ANKRD28: variants seen among roughly 807,000 people sequenced by gnomAD.
ANKRD28 encodes serine/threonine-protein phosphatase 6 regulatory ankyrin repeat subunit A.
A neutral mutation model predicts 126.5 loss-of-function variants in ANKRD28; 44 were observed. That is an observed-to-expected ratio of 0.35 (90% CI 0.27 to 0.45). The LOEUF (loss-of-function observed/expected upper bound fraction) is 0.45, where lower values mean the gene tolerates loss of function less well. Ranked by LOEUF, ANKRD28 falls within the 20% of genes least tolerant of loss-of-function variation. ANKRD28 has a pLI of 1.00. For synonymous variants in ANKRD28, 442 were observed against 468.5 expected (o/e 0.94, Z 0.73); for missense variants, 1,110 against 1,316.6 (o/e 0.84, Z 2.43).
intron 4 of ANKRD28, among the ~76,000 whole-genome samples, chr3:15,742,412 G>A (rs1332676445): frequency 1.3e-5 from 2 of 148,758 alleles, no homozygotes; most frequent in Non-Finnish European, 3.0e-5. Context: ...TGTGAGAAGC[G>A]CCTCTACCTG....
intron 12 of ANKRD28, among the ~76,000 whole-genome samples, chr3:15,710,025 C>A (rs772108949): frequency 3.9e-5 from 5 of 128,836 alleles, no homozygotes; most frequent in South Asian, 5.3e-4. Flanking sequence ...TAGGAAACAA[C>A]TTGCTTATAG....
intron 1 of ANKRD28, among the ~76,000 whole-genome samples, chr3:15,803,676 T>G (rs1297824497): frequency 2.6e-5 from 3 of 115,456 alleles, no homozygotes; most frequent in Non-Finnish European, 5.2e-5. Flanking sequence ...GTTAATAGAC[T>G]GGCTACAAGA....
intron 1 of ANKRD28, among the ~76,000 whole-genome samples, chr3:15,850,414 A>G (rs1189136989): frequency 6.6e-6 from 1 of 152,080 alleles, no homozygotes; most frequent in East Asian, 1.9e-4. Flanking sequence ...CTTAAAAAAC[A>G]GAAATGTATT....
intron 14 of ANKRD28, among the ~76,000 whole-genome samples, chr3:15,703,878 C>G (rs929157331): frequency 6.6e-6 from 1 of 152,122 alleles, no homozygotes; most frequent in African/African-American, 2.4e-5. Context: ...TATACCAGGA[C>G]TTCAACTTTG....
chr3:15,688,529 G>C (rs1419904744), intron 18 of ANKRD28, among the ~76,000 whole-genome samples: 2 of 152,168 alleles, frequency 1.3e-5, no homozygotes, highest in Non-Finnish European at 2.9e-5. Context: ...ATGTTTATTA[G>C]AGGTTCTAAT....
In ANKRD28 at chr3:15,789,085, C is replaced by G. The variant is rs542785260; in HGVS notation, c.201+6138G>C. 4.0e-5 allele frequency among the ~76,000 whole-genome samples: 6 copies of G among 151,758 alleles called. No homozygotes were observed. In the East Asian group the frequency reaches 9.6e-4, roughly 24 times the overall value. The stretch of plus-strand genomic sequence containing the variant: ...TTGCATTTCACCCTTTTATGGTTTA[C>G]AGTGCTTCTTCCACATCCAGGTGAC... On this transcript the variant is annotated intron_variant, in intron 2 of 27. Transcript: ENST00000683139.
chr3:15,677,149 G>T, intron 25 of ANKRD28, 93 bp from the exon 26 acceptor site: 1 of 963,874 alleles, frequency 1.0e-6, no homozygotes, highest in Non-Finnish European at 1.6e-6. Flanking sequence ...CATATATTAT[G>T]TACAACACCA....
rs546235521 is a variant in ANKRD28 at position 15,814,597 on chromosome 3, C to A, written c.28-19291G>T. ...GGTGTTTGTTTCTTAGAATTCCTAG[C>A]AACAAGTCATTCTCATAAATCTTAA... On this transcript the variant is annotated intron_variant, in intron 1 of 27. Transcript: ENST00000399451. The surrounding 1 kb of genome is among the most constrained non-coding windows in gnomAD (Gnocchi z 4.7). 6.6e-6 allele frequency among the ~76,000 whole-genome samples: 1 copy of A among 152,024 alleles called. No individual in the cohort carries two copies. The highest frequency in any genetic ancestry group is 2.1e-4 in the South Asian group (1 of 4,826).
At position 15,736,987 on chromosome 3, in the gene ANKRD28, T is replaced by C; in HGVS notation, c.552+46A>G. On this transcript the variant is annotated intron_variant, in intron 5 of 27. Coordinates refer to ENST00000683139, the MANE Select transcript of ANKRD28 (RefSeq NM_001349278.2). ...TGCAAGTTCTTTAATAAGTGGGGGG[T>C]GGACAGGAGGAGAGAAAAATAATGG... is the stretch of plus-strand genomic sequence containing the variant. 2.5e-6 allele frequency: 4 copies of C among 1,574,554 alleles called. No individual in the cohort carries two copies. The East Asian group carries it at 9.0e-5, about 35-fold the overall frequency.
intron 17 of ANKRD28, among the ~76,000 whole-genome samples, chr3:15,691,125 CTT>C (rs535516050): frequency 1.3e-4 from 18 of 141,378 alleles, no homozygotes; most frequent in Admixed American, 1.4e-4. Flanking sequence ...CTGAAGTTGT[CTT>C]TTTTTTTTTT....
At chr3:15,850,769 A>G (rs147888686) in intron 1 of ANKRD28, among the ~76,000 whole-genome samples, 31 of 152,334 alleles carry the variant, frequency 2.0e-4, no homozygotes, top group African/African-American at 7.5e-4. Context: ...ATAAGTAAAA[A>G]TAAGGTTTTC....
At chr3:15,754,470 T>C (rs911766287) in intron 3 of ANKRD28, among the ~76,000 whole-genome samples, 4 of 152,018 alleles carry the variant, frequency 2.6e-5, no homozygotes, top group Non-Finnish European at 5.9e-5. Flanking sequence ...TTCCTTTAAG[T>C]GAAAAGATGT....
At chr3:15,803,255 G>T (rs893070252) in intron 1 of ANKRD28, among the ~76,000 whole-genome samples, 15 of 152,220 alleles carry the variant, frequency 9.9e-5, no homozygotes, top group African/African-American at 3.6e-4. Context: ...CTAGTTAGGA[G>T]ACCACTGCAG....
intron 3 of ANKRD28, among the ~76,000 whole-genome samples, chr3:15,760,202 A>G (rs1452820020): frequency 6.6e-6 from 1 of 152,192 alleles, no homozygotes; most frequent in Non-Finnish European, 1.5e-5. Context: ...AGGGTGGACG[A>G]TAAGAGGAGA....
chr3:15,670,949 T>C (rs1055285065), intron 27 of ANKRD28, among the ~76,000 whole-genome samples: 2 of 152,190 alleles, frequency 1.3e-5, no homozygotes, highest in African/African-American at 4.8e-5. Context: ...AGTGTCAAGG[T>C]AAGAAAAAAT....
At chr3:15,681,879 A>G (rs1159161905) in intron 21 of ANKRD28, among the ~76,000 whole-genome samples, 1 of 152,202 alleles carries the variant, frequency 6.6e-6, no homozygotes, top group African/African-American at 2.4e-5. Context: ...CTTGCAATGC[A>G]CTGGAGAGTC....
At position 15,721,127 on chromosome 3, in the gene ANKRD28, T is replaced by A. The variant is rs2073677118; in HGVS notation, c.784A>T (p.Met262Leu). 3.1e-6 allele frequency: 5 copies of A among 1,608,370 alleles called. No homozygotes were observed. In the South Asian group the frequency reaches 5.6e-5, roughly 18 times the overall value. ...TTTCCATAGGCATTTGGTTCATTCA[T>A]CTATTAGAAGGGAAAAAAATGCGAA... ...VKYLLDLGVD[M>L]NEPNAYGNTP... is the part of the protein sequence containing the mutation. Residue 262 changes from methionine to leucine, a missense_variant and splice_region_variant, in exon 8 of 28, where the codon ATG (methionine) becomes TTG (leucine). Transcript: ENST00000683139.
rs2066068682 is a variant in ANKRD28 at position 15,667,983 on chromosome 3, G to T, written c.*2287C>A. On this transcript the variant is annotated 3_prime_UTR_variant, in exon 28 of 28. Transcript: ENST00000683139. ...GAGAAGTCAAACAGCCTGTAAAAGA[G>T]AAGACATGGCAGAATGTGCGAGATT... 6.6e-6 allele frequency: 1 copy of T among 152,252 alleles called. No homozygotes were observed. Among genetic ancestry groups the T allele is most frequent in the Admixed American group, 6.5e-5 (1 of 15,280 alleles). 9.4% of individuals were successfully genotyped at this position (152,252 alleles called of 1,614,324 possible). A position where few individuals can be genotyped will look rare whatever the true frequency, so the allele number is the denominator to read the frequency against.
At chr3:15,855,054 C>CA (rs1256195363) in intron 1 of ANKRD28, among the ~76,000 whole-genome samples, 9 of 151,892 alleles carry the variant, frequency 5.9e-5, no homozygotes, top group African/African-American at 2.2e-4. Flanking sequence ...TCTCAAAAAA[C>CA]AAAAACAAAA....
Sources: allele counts gnomAD v4.1 joint callset (sites outside exome capture counted in the v4.1 genomes callset), GRCh38; gene constraint gnomAD v4.1.1; non-coding constraint Gnocchi (gnomAD v3.1); transcripts MANE v1.5; gene names NCBI Gene and HGNC (gene_info 2026-07-23, HGNC 2026-07-21).